LRPPRC: variants seen among roughly 807,000 people sequenced by gnomAD.
LRPPRC encodes the protein leucine rich pentatricopeptide repeat containing, also known as leucine-rich PPR motif-containing protein, mitochondrial.
LRPPRC carries 120 observed loss-of-function variants against 180.3 expected under a neutral mutation model. The ratio of observed to expected loss-of-function variants is 0.67; its 90% CI spans 0.57 to 0.77. The LOEUF (loss-of-function observed/expected upper bound fraction) is 0.77. Among genes scored for constraint, LRPPRC ranks in the 30% least tolerant of loss-of-function variants. LRPPRC has a pLI of 0.00. For missense variants in LRPPRC, 2,012 were observed against 1,657.2 expected (o/e 1.21, Z -3.72); for synonymous variants, 723 against 600.0 (o/e 1.21, Z -3.00).
At chr2:43,986,082 G>A (rs978266922) in intron 1 of LRPPRC, among the ~76,000 whole-genome samples, 6 of 152,016 alleles carry the variant, frequency 3.9e-5, no homozygotes, top group East Asian at 1.9e-4. Flanking sequence ...CTTTTCGTAT[G>A]CTTATTTGCC....
chr2:43,929,133 C>T (rs2105049177), intron 25 of LRPPRC, among the ~76,000 whole-genome samples: 1 of 152,266 alleles, frequency 6.6e-6, no homozygotes. Context: ...TCTGAAATGG[C>T]AGGCAACCAG....
intron 13 of LRPPRC, 104 bp downstream of exon 13, chr2:43,960,437 A>G: frequency 2.6e-6 from 2 of 757,352 alleles, no homozygotes; most frequent in Non-Finnish European, 4.8e-6. Flanking sequence ...CTTTAACAAA[A>G]CATATAAACC....
At chr2:43,894,667 A>G (rs1472186976) in intron 35 of LRPPRC, 38 bp from the exon 36 acceptor site, 1 of 978,126 alleles carries the variant, frequency 1.0e-6, no homozygotes. Flanking sequence ...TGAAAACCGC[A>G]AATTAACAGT....
intron 1 of LRPPRC, among the ~76,000 whole-genome samples, chr2:43,987,469 C>A (rs1279177271): frequency 1.7e-5 from 2 of 116,498 alleles, no homozygotes; most frequent in Admixed American, 2.4e-4. Flanking sequence ...CACTCCAGGC[C>A]GGGCGACAGA....
At chr2:43,989,882 G>A (rs912191222) in intron 1 of LRPPRC, among the ~76,000 whole-genome samples, 1 of 152,174 alleles carries the variant, frequency 6.6e-6, no homozygotes, top group Non-Finnish European at 1.5e-5. Context: ...AAGTTGAAAT[G>A]TTTGTATGAT....
At chr2:43,942,930 G>A (rs1179929891) in intron 23 of LRPPRC, among the ~76,000 whole-genome samples, 1 of 151,576 alleles carries the variant, frequency 6.6e-6, no homozygotes, top group Non-Finnish European at 1.5e-5. Flanking sequence ...TTTGCCTAGG[G>A]TTGTTTAAAC....
intron 27 of LRPPRC, among the ~76,000 whole-genome samples, chr2:43,919,535 G>C (rs962754934): frequency 1.3e-5 from 2 of 152,120 alleles, no homozygotes; most frequent in African/African-American, 4.8e-5. Context: ...ACTATTACAA[G>C]GGCTGGGAAG....
At position 43,965,932 on chromosome 2, in the gene LRPPRC, T is replaced by C. The variant is rs560275193; in HGVS notation, c.1370-2226A>G. On this transcript the variant is annotated intron_variant, in intron 11 of 37. Coordinates refer to ENST00000260665, the MANE Select transcript of LRPPRC (RefSeq NM_133259.4). ...GTTGGTGGGAGAGTATGGAGATTCC[T>C]GAAAAACTTAGAAGTAGAATTACCA... Among the ~76,000 whole-genome samples the C allele has an allele frequency of 1.4e-4, 22 of 152,314 alleles. No individual in the cohort carries two copies. The East Asian group carries it at 3.9e-3, about 27-fold the overall frequency.
chr2:43,961,394 A>G (rs756644794), intron 12 of LRPPRC, among the ~76,000 whole-genome samples: 10 of 152,202 alleles, frequency 6.6e-5, no homozygotes, highest in Admixed American at 1.3e-4. Context: ...TTATTAAACT[A>G]TAGCCTCTGT....
intron 23 of LRPPRC, among the ~76,000 whole-genome samples, chr2:43,942,335 C>G (rs1385748620): frequency 6.6e-6 from 1 of 151,946 alleles, no homozygotes; most frequent in Non-Finnish European, 1.5e-5. Flanking sequence ...GTCTTTTAAG[C>G]AATTGAAAAA....
intron 1 of LRPPRC, among the ~76,000 whole-genome samples, chr2:43,983,643 A>G (rs1216030236): frequency 1.3e-5 from 2 of 152,166 alleles, no homozygotes; most frequent in African/African-American, 2.4e-5. Context: ...TATACACTAT[A>G]TAACAACTAA....
intron 20 of LRPPRC, among the ~76,000 whole-genome samples, chr2:43,946,600 T>C (rs543137497): frequency 6.6e-6 from 1 of 152,190 alleles, no homozygotes; most frequent in Admixed American, 6.5e-5. Context: ...GAAATATGTA[T>C]CATTGAAAAG....
At chr2:43,978,301 C>T (rs1674147051) in intron 3 of LRPPRC, among the ~76,000 whole-genome samples, 1 of 152,076 alleles carries the variant, frequency 6.6e-6, no homozygotes, top group Non-Finnish European at 1.5e-5. Flanking sequence ...ATTAATTCAA[C>T]AAGTATGTAT....
intron 22 of LRPPRC, among the ~76,000 whole-genome samples, chr2:43,944,363 A>C (rs1672602547): frequency 6.6e-6 from 1 of 152,116 alleles, no homozygotes. Flanking sequence ...AAGCAGAGCC[A>C]ATGAAAGCTT....
chr2:43,896,800 A>G, intron 34 of LRPPRC, 92 bp from the exon 35 acceptor site: 1 of 806,308 alleles, frequency 1.2e-6, no homozygotes, highest in South Asian at 1.4e-5. Flanking sequence ...TCACAATAAT[A>G]CAGTAGTGTA....
At chr2:43,957,357 C>G (rs1230697626) in intron 14 of LRPPRC, 28 bp downstream of exon 14, 1 of 1,529,478 alleles carries the variant, frequency 6.5e-7, no homozygotes, top group Non-Finnish European at 9.1e-7. Context: ...CATGTTCAGG[C>G]AAGGAACATT....
At chr2:43,915,512 T>C (rs1671435507) in intron 29 of LRPPRC, among the ~76,000 whole-genome samples, 1 of 151,818 alleles carries the variant, frequency 6.6e-6, no homozygotes, top group South Asian at 2.1e-4. Flanking sequence ...GGGGAAACCC[T>C]GTCTCTACTA....
intron 29 of LRPPRC, among the ~76,000 whole-genome samples, chr2:43,916,034 G>A (rs537156977): frequency 6.6e-6 from 1 of 152,008 alleles, no homozygotes; most frequent in South Asian, 2.1e-4. Flanking sequence ...CAAGTTGTTG[G>A]GATTATAGGC....
At chr2:43,960,255 C>T (rs1299519511) in intron 13 of LRPPRC, among the ~76,000 whole-genome samples, 2 of 152,166 alleles carry the variant, frequency 1.3e-5, no homozygotes, top group African/African-American at 2.4e-5. Context: ...AAGACTTCTT[C>T]TAAATCACAT....
Sources: gnomAD v4.1 joint callset for allele counts (sites outside exome capture counted in the v4.1 genomes callset) on GRCh38, gnomAD v4.1.1 for gene constraint, MANE v1.5 for transcripts, NCBI Gene and HGNC (gene_info 2026-07-23, HGNC 2026-07-21) for gene names.